Variants in SOS1 observed in about 807,000 individuals in gnomAD.
SOS1 encodes the protein son of sevenless homolog 1.
SOS1 carries 25 observed loss-of-function variants against 157.6 expected under a neutral mutation model. The observed-to-expected ratio is 0.16, with a 90% CI of 0.12 to 0.22. The LOEUF (loss-of-function observed/expected upper bound fraction) is 0.22. SOS1 is among the 10% of genes least tolerant of loss of function. SOS1 has a pLI of 1.00. For synonymous variants in SOS1, 528 were observed against 534.0 expected (o/e 0.99, Z 0.16); for missense variants, 1,237 against 1,599.1 (o/e 0.77, Z 3.86).
At chr2:39,124,280 C>G (rs1268598813), upstream of SOS1, 1 of 152,364 alleles carries the variant, frequency 6.6e-6, no homozygotes, top group Non-Finnish European at 1.5e-5. Context: ...CCCACCAATC[C>G]CCCGCGCCAG....
At position 39,062,461 on chromosome 2, in the gene SOS1, G is replaced by A. The variant is rs182993544; in HGVS notation, c.214-3657C>T. ...AAAAAAAAAAAGAAAAGAAAAGAAA[G>A]AAAGAAATTATAAGGATTCTTTAGG... On this transcript the variant is annotated intron_variant, in intron 2 of 22. Transcript: ENST00000402219. Among the ~76,000 whole-genome samples, 131 of 143,958 alleles carry A rather than the reference G, an allele frequency of 9.1e-4. 1 individual carries two copies. Among genetic ancestry groups the A allele is most frequent in the Middle Eastern group, 3.5e-3 (1 of 284 alleles). 94.4% of individuals were successfully genotyped at this position (143,958 alleles called of 152,430 possible).
intron 9 of SOS1, chr2:39,023,803 TG>T (rs1411986317): frequency 3.8e-6 from 2 of 526,754 alleles, no homozygotes; most frequent in Non-Finnish European, 6.8e-6. Flanking sequence ...AGGTCTTGTC[TG>T]GGAGTATGCA....
Position 39,013,450 on chromosome 2 carries a change from A to G in SOS1, c.2167+10T>C, listed in dbSNP as rs1445193791. The G allele has an allele frequency of 6.4e-7, 1 of 1,567,104 alleles. No individual in the cohort carries two copies. The highest frequency in any genetic ancestry group is 1.7e-5 in the Admixed American group (1 of 59,888). ...CATATAAAACTAGGCACCTAAAAAA[A>G]AAAACATACCTCTTACTGTTCCAAT... On this transcript the variant is annotated intron_variant, in intron 13 of 22. Transcript: ENST00000402219.
At chr2:39,017,636 C>G (rs1433454854) in intron 10 of SOS1, among the ~76,000 whole-genome samples, 1 of 151,732 alleles carries the variant, frequency 6.6e-6, no homozygotes, top group Non-Finnish European at 1.5e-5. Context: ...CCAAGAAAAT[C>G]TGGCAAAAAT....
intron 10 of SOS1, among the ~76,000 whole-genome samples, chr2:39,019,871 C>T (rs550868052): frequency 2.6e-4 from 39 of 151,588 alleles, no homozygotes; most frequent in African/African-American, 7.5e-4. Context: ...CTTCATAGTA[C>T]GCACGTTTGC....
intron 1 of SOS1, among the ~76,000 whole-genome samples, chr2:39,102,709 C>T (rs1420277450): frequency 6.6e-6 from 1 of 152,084 alleles, no homozygotes; most frequent in Non-Finnish European, 1.5e-5. Flanking sequence ...CTTTGGGAGG[C>T]TGAGGCTGGT....
At chr2:39,086,006 T>C (rs1185143076) in intron 1 of SOS1, among the ~76,000 whole-genome samples, 1 of 152,256 alleles carries the variant, frequency 6.6e-6, no homozygotes, top group Non-Finnish European at 1.5e-5. Context: ...ATCTTTGTTC[T>C]TTCAATTACC....
chr2:39,069,038 G>A (rs1034570671), intron 1 of SOS1, among the ~76,000 whole-genome samples: 17 of 151,822 alleles, frequency 1.1e-4, no homozygotes, highest in African/African-American at 4.1e-4. Flanking sequence ...TCAGTGTACA[G>A]GGAAAATTTT....
intron 1 of SOS1, among the ~76,000 whole-genome samples, chr2:39,075,080 A>C (rs922140497): frequency 3.9e-5 from 6 of 152,124 alleles, no homozygotes; most frequent in African/African-American, 9.7e-5. Context: ...TGTTTGCTGA[A>C]GTCAAAAATG....
At chr2:39,004,406 CAAAAAAAAAAA>C (rs60882005) in intron 17 of SOS1, among the ~76,000 whole-genome samples, 2 of 66,534 alleles carry the variant, frequency 3.0e-5, no homozygotes, top group East Asian at 4.5e-4. Flanking sequence ...GACTCTGTGT[CAAAAAAAAAAA>C]AAAAAAAAAA....
rs1668505249 is a variant in SOS1 at position 38,984,777 on chromosome 2, G to A, written c.*1047C>T. On this transcript the variant is annotated 3_prime_UTR_variant, in exon 23 of 23. Coordinates refer to ENST00000402219, the MANE Select transcript of SOS1 (RefSeq NM_005633.4). ...CAATTAAATTAAAACAGACCTGCCA[G>A]GTATATTATATAACATTCACTATAT... is the stretch of plus-strand genomic sequence containing the variant. 2 of 152,098 alleles carry A rather than the reference G, an allele frequency of 1.3e-5. No homozygotes were observed. The highest frequency in any genetic ancestry group is 6.6e-5 in the Admixed American group (1 of 15,262). The allele number at this position is 152,098 out of a possible 1,614,324, so 9.4% of individuals were successfully genotyped here.
rs759171812 is a variant in SOS1 at position 38,983,131 on chromosome 2, A to G, written c.*2693T>C. 2.0e-5 allele frequency: 3 copies of G among 152,202 alleles called. No homozygotes were observed. Among genetic ancestry groups the G allele is most frequent in the Non-Finnish European group, 4.4e-5 (3 of 68,032 alleles). 9.4% of individuals were successfully genotyped at this position (152,202 alleles called of 1,614,324 possible). On this transcript the variant is annotated 3_prime_UTR_variant, in exon 23 of 23. Transcript: ENST00000402219. ...TAAAAGAAATGTTCCACATTTTGGA[A>G]TGTGGTTAACAAAAAGTCATGCTGC...
chr2:39,043,609 GC>G (rs1377010029), intron 6 of SOS1, among the ~76,000 whole-genome samples: 2 of 152,174 alleles, frequency 1.3e-5, no homozygotes, highest in African/African-American at 4.8e-5. Context: ...AGCTTTGGAG[GC>G]TAGAAGGTCA....
In SOS1 at chr2:38,997,007, T is replaced by C. The variant is rs765070830; in HGVS notation, c.2996A>G (p.Asn999Ser). 9 of 1,602,382 alleles carry C rather than the reference T, an allele frequency of 5.6e-6. No individual in the cohort carries two copies. Among genetic ancestry groups the C allele is most frequent in the South Asian group, 5.5e-5 (5 of 90,590 alleles). Reference sequence around the variant, plus strand: ...ATCTGTAAATTCCTTCTCCATGCTATTTCCCATCGGATTCAAGTTTTCAAA... The same window carrying C: ...ATCTGTAAATTCCTTCTCCATGCTACTTCCCATCGGATTCAAGTTTTCAAA... ...RFFENLNPMG[N>S]SMEKEFTDYL... The change falls in exon 19 of 23, where the codon AAT becomes AGT. Residue 999 changes from asparagine (N) to serine (S), a missense_variant. Asn to Ser is a conservative substitution (Grantham distance 46). Around this residue, in one of 15 missense-constraint regions of SOS1, gnomAD observed 34 missense variants for 28.1 expected, o/e 1.21. Coordinates refer to ENST00000402219, the MANE Select transcript of SOS1 (RefSeq NM_005633.4).
intron 1 of SOS1, among the ~76,000 whole-genome samples, chr2:39,112,283 C>A (rs78421201): frequency 0.067 from 10,135 of 152,148 alleles, 451 homozygotes; most frequent in East Asian, 0.19. Flanking sequence ...CCAGATCAAC[C>A]CTACTCTGAG....
At chr2:39,063,082 T>C (rs1479248834) in intron 2 of SOS1, among the ~76,000 whole-genome samples, 1 of 152,070 alleles carries the variant, frequency 6.6e-6, no homozygotes, top group Non-Finnish European at 1.5e-5. Context: ...AATAAAAAAA[T>C]ACAAAATTTA....
chr2:39,092,587 C>T (rs1377016965), intron 1 of SOS1, among the ~76,000 whole-genome samples: 1 of 152,198 alleles, frequency 6.6e-6, no homozygotes, highest in African/African-American at 2.4e-5. Flanking sequence ...TCTGCTTTCT[C>T]CTACCAGAAT....
intron 1 of SOS1, among the ~76,000 whole-genome samples, chr2:39,083,337 A>G (rs1672272248): frequency 6.6e-6 from 1 of 152,170 alleles, no homozygotes; most frequent in African/African-American, 2.4e-5. Context: ...AAGATGAGGC[A>G]AAAGAATCAG....
chr2:39,012,929 T>C (rs1396340557), intron 13 of SOS1, among the ~76,000 whole-genome samples: 1 of 152,148 alleles, frequency 6.6e-6, no homozygotes, highest in Non-Finnish European at 1.5e-5. Flanking sequence ...CTTAGAGCCA[T>C]ACACTCACGT....
Sources: gnomAD v4.1 joint callset for allele counts (sites outside exome capture counted in the v4.1 genomes callset) on GRCh38, gnomAD v4.1.1 for gene constraint, gnomAD v4.1.1 regional missense constraint, MANE v1.5 for transcripts, NCBI Gene and HGNC (gene_info 2026-07-23, HGNC 2026-07-21) for gene names.